Variants in AFF3 observed in about 807,000 individuals in gnomAD.
AFF3 encodes ALF transcription elongation factor 3.
A neutral mutation model predicts 129.7 loss-of-function variants in AFF3; 32 were observed. That is an observed-to-expected ratio of 0.25 (90% confidence interval 0.19 to 0.33). AFF3 has a LOEUF of 0.33. AFF3 is among the 10% of genes least tolerant of loss of function. The probability of loss-of-function intolerance (pLI) is 1.00; values close to 1 mark genes in which losing one functional copy is unlikely to be tolerated. For synonymous variants in AFF3, 644 were observed against 635.4 expected (o/e 1.01, Z -0.20); for missense variants, 1,373 against 1,592.0 (o/e 0.86, Z 2.34).
chr2:99,597,875 G>A (rs1334360545), intron 14 of AFF3, among the ~76,000 whole-genome samples: 1 of 152,188 alleles, frequency 6.6e-6, no homozygotes, highest in Non-Finnish European at 1.5e-5. Flanking sequence ...TCTGACTCAC[G>A]CACCAGCTCT....
intron 7 of AFF3, among the ~76,000 whole-genome samples, chr2:99,990,573 C>G (rs189896822): frequency 1.2e-4 from 19 of 152,152 alleles, no homozygotes; most frequent in African/African-American, 4.3e-4. Context: ...GGATTGGGAG[C>G]TTGTCAATTT....
intron 7 of AFF3, among the ~76,000 whole-genome samples, chr2:99,887,365 A>C (rs1434856225): frequency 6.6e-6 from 1 of 152,248 alleles, no homozygotes; most frequent in Non-Finnish European, 1.5e-5. Flanking sequence ...ATCATCTTTC[A>C]GCAAGAAAGA....
chr2:99,553,096 C>A (rs1430445665), intron 24 of AFF3, among the ~76,000 whole-genome samples: 1 of 152,152 alleles, frequency 6.6e-6, no homozygotes, highest in Admixed American at 6.5e-5. Flanking sequence ...ACCACCACAC[C>A]CGGCTAATGT....
Position 99,620,838 on chromosome 2 carries a change from T to C in AFF3, c.1185-19217A>G. ...AGTTTATGCAAGAGCTGGCTGTTTA[T>C]AGGAGCCTGGTACCTCCTCCTCTTC... is the stretch of plus-strand genomic sequence containing the variant. On this transcript the variant is annotated intron_variant, in intron 13 of 24. Coordinates refer to ENST00000672756, the MANE Select transcript of AFF3 (RefSeq NM_001386135.1). 1.3e-5 allele frequency among the ~76,000 whole-genome samples: 2 copies of C among 152,166 alleles called. 1 individual carries two copies. Among genetic ancestry groups the C allele is most frequent in the East Asian group, 3.9e-4 (2 of 5,184 alleles).
At chr2:99,821,674 C>T (rs762432480) in intron 8 of AFF3, among the ~76,000 whole-genome samples, 7 of 152,202 alleles carry the variant, frequency 4.6e-5, no homozygotes, top group Non-Finnish European at 7.3e-5. Flanking sequence ...CTGTATTGGA[C>T]ATACCTGTAT....
At chr2:100,031,627 C>A (rs183047621) in intron 4 of AFF3, among the ~76,000 whole-genome samples, 3 of 152,164 alleles carry the variant, frequency 2.0e-5, no homozygotes, top group African/African-American at 7.2e-5. Flanking sequence ...GTCTGAGGCA[C>A]CTTGTAGTGC....
At chr2:99,763,003 G>C (rs995773195) in intron 8 of AFF3, among the ~76,000 whole-genome samples, 1 of 152,238 alleles carries the variant, frequency 6.6e-6, no homozygotes, top group African/African-American at 2.4e-5. Context: ...TTACAACACT[G>C]CATCTCATCT....
At chr2:99,898,170 C>CT (rs879774987) in intron 7 of AFF3, among the ~76,000 whole-genome samples, 5 of 152,248 alleles carry the variant, frequency 3.3e-5, no homozygotes, top group Non-Finnish European at 7.3e-5. Context: ...TGGAAGATGT[C>CT]TGAGTGCTCA....
intron 8 of AFF3, among the ~76,000 whole-genome samples, chr2:99,819,921 G>A (rs1356595996): frequency 6.6e-6 from 1 of 152,144 alleles, no homozygotes; most frequent in African/African-American, 2.4e-5. Flanking sequence ...TCTTACTGGG[G>A]GTAATGTGGG....
chr2:100,138,887 G>C (rs144411730), intron 1 of AFF3, among the ~76,000 whole-genome samples: 2 of 149,590 alleles, frequency 1.3e-5, no homozygotes, highest in East Asian at 4.0e-4. Context: ...GGAGGCTGCA[G>C]TGAGCCGAAA....
At chr2:99,764,457 G>A (rs1682850890) in intron 8 of AFF3, among the ~76,000 whole-genome samples, 2 of 152,068 alleles carry the variant, frequency 1.3e-5, no homozygotes, top group South Asian at 4.2e-4. Context: ...TGGGGCAGAG[G>A]ATGAGAGTCA....
chr2:99,643,666 T>C (rs1306700235), intron 13 of AFF3, among the ~76,000 whole-genome samples: 1 of 152,100 alleles, frequency 6.6e-6, no homozygotes, highest in Non-Finnish European at 1.5e-5. Context: ...CTGGAGCTCG[T>C]CCACTTGACA....
At chr2:99,975,034 A>G (rs1307077301) in intron 7 of AFF3, among the ~76,000 whole-genome samples, 2 of 152,224 alleles carry the variant, frequency 1.3e-5, no homozygotes, top group Non-Finnish European at 2.9e-5. Flanking sequence ...AAGATTTTCC[A>G]CTTGAAATAA....
chr2:100,111,229 G>C (rs1052034781), intron 2 of AFF3, among the ~76,000 whole-genome samples: 1 of 152,228 alleles, frequency 6.6e-6, no homozygotes, highest in Admixed American at 6.5e-5. Flanking sequence ...CATTAGAGAA[G>C]TCACAGTCCC....
chr2:99,561,866 A>C (rs901650502), intron 20 of AFF3, among the ~76,000 whole-genome samples: 1 of 152,216 alleles, frequency 6.6e-6, no homozygotes, highest in Non-Finnish European at 1.5e-5. Context: ...TTTTAGAGAC[A>C]CATACTTGTA....
intron 8 of AFF3, among the ~76,000 whole-genome samples, chr2:99,788,220 G>A (rs139468713): frequency 1.9e-4 from 29 of 152,186 alleles, no homozygotes; most frequent in African/African-American, 7.0e-4. Context: ...TATTATTTTA[G>A]AGTGCACTCC....
intron 9 of AFF3, among the ~76,000 whole-genome samples, chr2:99,747,883 T>C (rs1331432399): frequency 1.3e-5 from 2 of 152,154 alleles, no homozygotes; most frequent in Admixed American, 1.3e-4. Flanking sequence ...ATAAACCCAG[T>C]GTTCTAAACT....
At chr2:99,597,878 C>T (rs931706847) in intron 14 of AFF3, among the ~76,000 whole-genome samples, 1 of 152,246 alleles carries the variant, frequency 6.6e-6, no homozygotes, top group Admixed American at 6.5e-5. Flanking sequence ...GACTCACGCA[C>T]CAGCTCTCCA....
At chr2:100,114,366 G>A (rs1312565434) in intron 2 of AFF3, among the ~76,000 whole-genome samples, 2 of 152,156 alleles carry the variant, frequency 1.3e-5, no homozygotes, top group Admixed American at 6.5e-5. Flanking sequence ...ACAGGTCACA[G>A]GCTCATGAAG....
Sources: allele counts gnomAD v4.1 joint callset (sites outside exome capture counted in the v4.1 genomes callset), GRCh38; gene constraint gnomAD v4.1.1; transcripts MANE v1.5; gene names NCBI Gene and HGNC (gene_info 2026-07-23, HGNC 2026-07-21).